LHFPL2: variants seen among roughly 807,000 people sequenced by gnomAD.
LHFPL2 encodes LHFPL tetraspan subfamily member 2 protein.
Under a neutral mutation model 17.5 loss-of-function variants are expected in LHFPL2, and 7 were observed. That is an observed-to-expected ratio of 0.40 (90% CI 0.23 to 0.75). The LOEUF is 0.75. LHFPL2 is among the 30% of genes least tolerant of loss of function. The pLI is 0.37. For missense variants in LHFPL2, 241 were observed against 294.8 expected (o/e 0.82, Z 1.34); for synonymous variants, 134 against 116.2 (o/e 1.15, Z -0.99).
chr5:78,490,033 A>C, intron 4 of LHFPL2, among the ~76,000 whole-genome samples: 1 of 152,196 alleles, frequency 6.6e-6, no homozygotes, highest in East Asian at 1.9e-4. Flanking sequence ...AGTAAGCCAG[A>C]TGTTTCTGTA....
chr5:78,622,670 C>T (rs10491473), intron 2 of LHFPL2, among the ~76,000 whole-genome samples: 2 of 152,264 alleles, frequency 1.3e-5, no homozygotes, highest in African/African-American at 4.8e-5. Context: ...CCTGACAAGT[C>T]TCTCTAATGT....
intron 2 of LHFPL2, among the ~76,000 whole-genome samples, chr5:78,588,457 A>G (rs1305587368): frequency 1.3e-5 from 2 of 152,252 alleles, no homozygotes; most frequent in Non-Finnish European, 2.9e-5. Flanking sequence ...ACAAGGCCAC[A>G]TATTGATTTA....
intron 1 of LHFPL2, among the ~76,000 whole-genome samples, chr5:78,635,797 C>T (rs1050198543): frequency 2.8e-5 from 4 of 143,632 alleles, no homozygotes; most frequent in Non-Finnish European, 4.5e-5. Context: ...AGCGAGACTC[C>T]GTCTCAAAAA....
At chr5:78,552,076 C>T (rs772224653) in intron 3 of LHFPL2, among the ~76,000 whole-genome samples, 6 of 151,832 alleles carry the variant, frequency 4.0e-5, no homozygotes, top group Admixed American at 1.3e-4. Context: ...CTCGTGTATA[C>T]GTGTTTAATA....
chr5:78,489,211 A>C, intron 4 of LHFPL2, 58 bp from the exon 5 acceptor site: 1 of 1,581,502 alleles, frequency 6.3e-7, no homozygotes, highest in East Asian at 2.2e-5. Flanking sequence ...AACTGTCCAG[A>C]TCTGTTGTAA....
At chr5:78,612,851 G>C (rs1471780993) in intron 2 of LHFPL2, among the ~76,000 whole-genome samples, 2 of 152,254 alleles carry the variant, frequency 1.3e-5, no homozygotes, top group Non-Finnish European at 2.9e-5. Context: ...TGGGGAGACA[G>C]TGATTTCCTA....
At chr5:78,500,157 A>G (rs987219443) in intron 4 of LHFPL2, among the ~76,000 whole-genome samples, 1 of 152,220 alleles carries the variant, frequency 6.6e-6, no homozygotes, top group African/African-American at 2.4e-5. Flanking sequence ...ATAAAAAAAC[A>G]CATCCAAGAA....
intron 3 of LHFPL2, among the ~76,000 whole-genome samples, chr5:78,512,564 A>G (rs1267130520): frequency 6.6e-6 from 1 of 151,740 alleles, no homozygotes; most frequent in Non-Finnish European, 1.5e-5. Flanking sequence ...CTAAAAGAGA[A>G]CAAGAAAATG....
intron 4 of LHFPL2, among the ~76,000 whole-genome samples, chr5:78,495,131 A>C (rs1165575661): frequency 6.6e-6 from 1 of 152,220 alleles, no homozygotes; most frequent in Non-Finnish European, 1.5e-5. Context: ...ATGTTGCTGC[A>C]TACAGTGAGT....
At position 78,617,339 on chromosome 5, in the gene LHFPL2, T is replaced by C. The variant is rs143836378; in HGVS notation, c.-245+14925A>G. On this transcript the variant is annotated intron_variant, in intron 2 of 4. Coordinates refer to ENST00000380345, the MANE Select transcript of LHFPL2 (RefSeq NM_005779.3). ...GCCACCATGCCCAGCCTAGAGTTCC[T>C]TAAAAGGAACAGGAACTCCACACTT... is the stretch of plus-strand genomic sequence containing the variant. Among the ~76,000 whole-genome samples, 300 of 152,338 alleles carry C rather than the reference T, an allele frequency of 2.0e-3. 1 individual carries two copies. The highest frequency in any genetic ancestry group is 6.8e-3 in the African/African-American group (282 of 41,574).
intron 2 of LHFPL2, among the ~76,000 whole-genome samples, chr5:78,610,640 G>C (rs1282748017): frequency 6.6e-6 from 1 of 152,122 alleles, no homozygotes; most frequent in Non-Finnish European, 1.5e-5. Flanking sequence ...CAAACTCCAG[G>C]GAAAAGTGTG....
chr5:78,517,308 T>G (rs1188393494), intron 3 of LHFPL2, among the ~76,000 whole-genome samples: 1 of 152,182 alleles, frequency 6.6e-6, no homozygotes, highest in African/African-American at 2.4e-5. Context: ...CCAAGTTTGT[T>G]GTTTAATACA....
intron 4 of LHFPL2, among the ~76,000 whole-genome samples, chr5:78,492,929 T>TCCTGGCCCTGACTGGCGG (rs1754494609): frequency 2.6e-5 from 4 of 152,168 alleles, no homozygotes; most frequent in Non-Finnish European, 5.9e-5. Context: ...CTGTCCACTC[T>TCCTGGCCCTGACTGGCGG]GCCCTGACTG....
chr5:78,609,940 A>C (rs78099486), intron 2 of LHFPL2, among the ~76,000 whole-genome samples: 2,365 of 152,242 alleles, frequency 0.016, 63 homozygotes, highest in African/African-American at 0.054. Flanking sequence ...CTCCGAATGG[A>C]AACAGCCTGA....
Position 78,571,074 on chromosome 5 carries a change from G to A in LHFPL2, c.-244-6203C>T, listed in dbSNP as rs76595090. Among the ~76,000 whole-genome samples the A allele has an allele frequency of 6.1e-3, 921 of 152,186 alleles. 8 individuals are homozygous for A. The highest frequency in any genetic ancestry group is 8.0e-3 in the Admixed American group (123 of 15,282). On this transcript the variant is annotated intron_variant, in intron 2 of 4. Coordinates refer to ENST00000380345, the MANE Select transcript of LHFPL2 (RefSeq NM_005779.3). ...GAAAGAGAAGGTGGAAAAGCCTCCG[G>A]TTCCTTCTCGCATCTTTCCTTTTCC...
intron 2 of LHFPL2, among the ~76,000 whole-genome samples, chr5:78,608,467 C>G (rs1744301724): frequency 6.6e-6 from 1 of 151,994 alleles, no homozygotes; most frequent in African/African-American, 2.4e-5. Flanking sequence ...AAAGACATAA[C>G]TGCATTCTAG....
At chr5:78,624,360 T>C (rs10037240) in intron 2 of LHFPL2, among the ~76,000 whole-genome samples, 45,197 of 152,052 alleles carry the variant, frequency 0.3, 6,885 homozygotes, top group Middle Eastern at 0.34. Flanking sequence ...AGGAACTGTG[T>C]TCTCTGTCCC....
intron 2 of LHFPL2, among the ~76,000 whole-genome samples, chr5:78,566,505 C>G (rs921574263): frequency 6.6e-6 from 1 of 152,028 alleles, no homozygotes; most frequent in Non-Finnish European, 1.5e-5. Flanking sequence ...CCTCTGTCAC[C>G]CAGGCTGAAG....
intron 3 of LHFPL2, among the ~76,000 whole-genome samples, chr5:78,550,916 G>A (rs1756421957): frequency 6.6e-6 from 1 of 152,094 alleles, no homozygotes. Flanking sequence ...TCTGACAAAG[G>A]GAATAGAGAG....
Sources: gnomAD v4.1 joint callset for allele counts (sites outside exome capture counted in the v4.1 genomes callset) on GRCh38, gnomAD v4.1.1 for gene constraint, MANE v1.5 for transcripts, NCBI Gene and HGNC (gene_info 2026-07-23, HGNC 2026-07-21) for gene names.